Variants in RAVER1 observed in about 807,000 individuals in gnomAD.
The protein encoded by RAVER1 is ribonucleoprotein PTB-binding 1.
RAVER1 carries 36 observed loss-of-function variants against 68.4 expected under a neutral mutation model. That is an observed-to-expected ratio of 0.53 (90% CI 0.40 to 0.70). The LOEUF is 0.70. Ranked by LOEUF, RAVER1 falls within the 30% of genes least tolerant of loss-of-function variation. The pLI, the probability that RAVER1 is intolerant of heterozygous loss-of-function variation, is 0.00. For synonymous variants in RAVER1, 469 were observed against 472.7 expected, an observed-to-expected ratio of 0.99 and a Z score of 0.10; for missense variants, 933 against 1,019.8, an observed-to-expected ratio of 0.91 and a Z score of 1.16.
chr19:10,328,802 C>T lies in RAVER1; in HGVS notation c.596G>A (p.Gly199Glu). ...AKSDLLGKPLGPRTLYVHWTD... is the reference protein window; with the variant it reads ...AKSDLLGKPLEPRTLYVHWTD... ...CCAGTGCACGTAGAGGGTGCGTGGTCCCAGCGGCTTGCCCAGCAGGTCCGA... is the reference window on the plus strand; with the variant it reads ...CCAGTGCACGTAGAGGGTGCGTGGTTCCAGCGGCTTGCCCAGCAGGTCCGA... The change falls in exon 3 of 13, where the codon GGA (glycine) becomes GAA (glutamate). Residue 199 changes from glycine to glutamate, a missense_variant. Around this residue, in one of 3 missense-constraint regions of RAVER1, gnomAD observed 23 missense variants for 58.7 expected, o/e 0.39. Coordinates refer to ENST00000617231, the MANE Select transcript of RAVER1 (RefSeq NM_133452.3). The surrounding 1 kb of genome is among the most constrained non-coding windows in gnomAD (Gnocchi z 4.4). 1 of 1,613,302 alleles carries T rather than the reference C, an allele frequency of 6.2e-7. No individual in the cohort carries two copies. The highest frequency in any genetic ancestry group is 8.5e-7 in the Non-Finnish European group (1 of 1,179,868).
Position 10,329,147 on chromosome 19 carries a change from G to T in RAVER1, c.287-36C>A, listed in dbSNP as rs1327413778. 1.5e-6 allele frequency: 2 copies of T among 1,306,576 alleles called. No homozygotes were observed. The highest frequency in any genetic ancestry group is 1.5e-5 in the African/African-American group (1 of 66,834). 80.9% of individuals were successfully genotyped at this position (1,306,576 alleles called of 1,614,324 possible). ...AGGAGGGCAGTGCGAGGTCAGCCGG[G>T]CCCTGAGGGCCTGCCCCTCCACCCC... On this transcript the variant is annotated intron_variant, in intron 2 of 12. Transcript: ENST00000617231. The surrounding 1 kb of genome is among the most constrained non-coding windows in gnomAD (Gnocchi z 4.6).
At chr19:10,321,394 T>C (rs1273650115) in intron 7 of RAVER1, 135 bp from the exon 8 acceptor site, 1 of 837,752 alleles carries the variant, frequency 1.2e-6, no homozygotes, top group African/African-American at 1.8e-5. Context: ...AGCTCATCCC[T>C]GGGCCCTGAG....
chr19:10,333,446 A>T lies in RAVER1; in HGVS notation c.62T>A (p.Val21Asp). The change falls in exon 1 of 13, where the codon GTC (valine) becomes GAC (aspartate). Residue 21 changes from valine to aspartate, a missense_variant. By Grantham distance (152) the Val-to-Asp change is radical. Around this residue, in one of 3 missense-constraint regions of RAVER1, gnomAD observed 211 missense variants for 230.0 expected, o/e 0.92. Transcript: ENST00000617231. The surrounding 1 kb of genome is among the most constrained non-coding windows in gnomAD (Gnocchi z 4.2). Reference sequence around the variant, plus strand: ...GCGCTCCGCGGCATCGCCGGCTTCGACTTCGGCCCCAGACTTAGGGCTCAG... The same window carrying T: ...GCGCTCCGCGGCATCGCCGGCTTCGTCTTCGGCCCCAGACTTAGGGCTCAG... ...PPLSPKSGAE[V>D]EAGDAAERRA... is the part of the protein sequence containing the mutation. 6.2e-7 allele frequency: 1 copy of T among 1,612,746 alleles called. No individual in the cohort carries two copies.
rs746120264 is a variant in RAVER1 at position 10,333,283 on chromosome 19, C to T, written c.219+6G>A. 5 of 1,612,296 alleles carry T rather than the reference C, an allele frequency of 3.1e-6. No individual in the cohort carries two copies. The African/African-American group carries it at 4.0e-5, about 13-fold the overall frequency. On this transcript the variant is annotated splice_donor_region_variant and intron_variant, in intron 1 of 12. Transcript: ENST00000617231. This position sits in a 1 kb window ranked among gnomAD's most constrained non-coding sequence, Gnocchi z 4.2. Reference sequence around the variant, plus strand: ...CGCCACGCTCCTACACCGCCCCCCCCAATACCTGGTTGGTCACGTCCCCCG... The same window carrying T: ...CGCCACGCTCCTACACCGCCCCCCCTAATACCTGGTTGGTCACGTCCCCCG...
Position 10,323,462 on chromosome 19 carries a change from C to T in RAVER1, c.861G>A (p.Leu287=), listed in dbSNP as rs754225509. The change falls in exon 4 of 13, where the codon CTG becomes CTA. Residue 287 remains leucine (L), a synonymous_variant. Transcript: ENST00000617231. This position sits in a 1 kb window ranked among gnomAD's most constrained non-coding sequence, Gnocchi z 6.2. ...EAQQQADGLS[L]GGSHLRVSFC... is the part of the protein sequence containing the mutation. Reference sequence around the variant, plus strand: ...AGGAGACTCGCAGGTGGCTGCCCCCCAGGGACAGGCCGTCCGCCTGCTGCT... The same window carrying T: ...AGGAGACTCGCAGGTGGCTGCCCCCTAGGGACAGGCCGTCCGCCTGCTGCT... 5.0e-6 allele frequency: 8 copies of T among 1,609,870 alleles called. No homozygotes were observed.
chr19:10,319,604 C>A (rs1300919348), intron 9 of RAVER1, among the ~76,000 whole-genome samples: 2 of 150,654 alleles, frequency 1.3e-5, no homozygotes, highest in African/African-American at 4.9e-5. Flanking sequence ...TTTTTTTAAA[C>A]GGAGTTTTGC....
chr19:10,329,142 G>T lies in RAVER1; in HGVS notation c.287-31C>A. On this transcript the variant is annotated intron_variant, in intron 2 of 12. Transcript: ENST00000617231. This position sits in a 1 kb window ranked among gnomAD's most constrained non-coding sequence, Gnocchi z 4.6. ...GTGGGAGGAGGGCAGTGCGAGGTCA[G>T]CCGGGCCCTGAGGGCCTGCCCCTCC... The T allele has an allele frequency of 7.3e-7, 1 of 1,368,152 alleles. No individual in the cohort carries two copies. Among genetic ancestry groups the T allele is most frequent in the Non-Finnish European group, 9.8e-7 (1 of 1,025,320 alleles). 84.8% of individuals were successfully genotyped at this position (1,368,152 alleles called of 1,614,324 possible).
At chr19:10,331,028 G>A (rs1221890659) in intron 1 of RAVER1, among the ~76,000 whole-genome samples, 1 of 150,608 alleles carries the variant, frequency 6.6e-6, no homozygotes, top group African/African-American at 2.4e-5. Flanking sequence ...ACTCCAGCCT[G>A]GGTGACAAAG....
Position 10,318,348 on chromosome 19 carries a change from C to T in RAVER1, c.1870G>A (p.Gly624Ser), listed in dbSNP as rs757304962. 1.0e-5 allele frequency: 16 copies of T among 1,602,734 alleles called. No homozygotes were observed. Among genetic ancestry groups the T allele is most frequent in the East Asian group, 2.3e-5 (1 of 44,206 alleles). Residue 624 changes from glycine (G) to serine (S), a missense_variant, in exon 11 of 13, where the codon GGC (glycine) becomes AGC (serine). Coordinates refer to ENST00000617231, the MANE Select transcript of RAVER1 (RefSeq NM_133452.3). The stretch of plus-strand genomic sequence containing the variant: ...CCACTCCCACCGCTGCTCCGTTCGC[C>T]GAAGCCACTGGGCGGGGGGGACATC... The part of the protein sequence containing the change: ...HKMSPPPSGF[G>S]ERSSGGSGGG...
Position 10,317,622 on chromosome 19 carries a change from G to A in RAVER1, c.2074-22C>T. ...GGGTCTGGAGACAGAGGGCAGGGCG[G>A]GGCGGGTCAGGGGCCGCTGGGGGGC... On this transcript the variant is annotated intron_variant, in intron 12 of 12. Coordinates refer to ENST00000617231, the MANE Select transcript of RAVER1 (RefSeq NM_133452.3). This position sits in a 1 kb window ranked among gnomAD's most constrained non-coding sequence, Gnocchi z 4.3. 1 of 1,578,774 alleles carries A rather than the reference G, an allele frequency of 6.3e-7. No homozygotes were observed. The highest frequency in any genetic ancestry group is 1.3e-5 in the African/African-American group (1 of 74,292).
In RAVER1 at chr19:10,317,490, G is replaced by A. The variant is rs746622788; in HGVS notation, c.2184C>T (p.Tyr728=). 3.1e-6 allele frequency: 5 copies of A among 1,613,794 alleles called. No homozygotes were observed. The highest frequency in any genetic ancestry group is 1.3e-5 in the African/African-American group (1 of 75,066). Residue 728 remains tyrosine (Y), a synonymous_variant, in exon 13 of 13, where the codon TAC becomes TAT. Coordinates refer to ENST00000617231, the MANE Select transcript of RAVER1 (RefSeq NM_133452.3). This position sits in a 1 kb window ranked among gnomAD's most constrained non-coding sequence, Gnocchi z 4.3. ...TCTTCCGCTTCAGGTAGGAGTCCGC[G>A]TAGTGGCCGCCGAGGCCCTGGGAGT... ...GQHSQGLGGH[Y]ADSYLKRKRI... is the part of the protein sequence containing the mutation.
chr19:10,327,587 C>T (rs78200042), intron 3 of RAVER1, among the ~76,000 whole-genome samples: 2,232 of 152,232 alleles, frequency 0.015, 36 homozygotes, highest in South Asian at 0.024. Context: ...CACTGGCCTC[C>T]GCTCACTGGC....
At chr19:10,319,568 G>A (rs539380704) in intron 9 of RAVER1, among the ~76,000 whole-genome samples, 71 of 152,060 alleles carry the variant, frequency 4.7e-4, no homozygotes, top group Non-Finnish European at 8.5e-4. Flanking sequence ...ACCTGTGGGC[G>A]GCCAGTTTGC....
chr19:10,317,695 G>A lies in RAVER1; in HGVS notation c.2068C>T (p.Leu690=), dbSNP rs2040402107. ...TCCCCACCCCCTGCCCGTACCTTCA[G>A]CAGGTGGCTGTGACCATTAGGCCCG... ...SPGPNGHSHL[L]KTPLGGQKRS... is the part of the protein sequence containing the mutation. The change falls in exon 12 of 13, where the codon CTG becomes TTG. Residue 690 remains leucine (L), a synonymous_variant. Coordinates refer to ENST00000617231, the MANE Select transcript of RAVER1 (RefSeq NM_133452.3). This position sits in a 1 kb window ranked among gnomAD's most constrained non-coding sequence, Gnocchi z 4.3. 1.3e-6 allele frequency: 2 copies of A among 1,585,126 alleles called. No individual in the cohort carries two copies. Among genetic ancestry groups the A allele is most frequent in the Non-Finnish European group, 1.7e-6 (2 of 1,165,810 alleles).
In RAVER1 at chr19:10,328,229, C is replaced by T. The variant is rs539765363; in HGVS notation, c.756+413G>A. 1.2e-4 allele frequency among the ~76,000 whole-genome samples: 18 copies of T among 152,252 alleles called. No homozygotes were observed. In the South Asian group the frequency reaches 3.3e-3, roughly 28 times the overall value. Reference sequence around the variant, plus strand: ...ATAGTTACAAGAGTGGCCTTGCATGCATCTGATAGAGGGACAGTGAGGCCT... The same window carrying T: ...ATAGTTACAAGAGTGGCCTTGCATGTATCTGATAGAGGGACAGTGAGGCCT... On this transcript the variant is annotated intron_variant, in intron 3 of 12. Coordinates refer to ENST00000617231, the MANE Select transcript of RAVER1 (RefSeq NM_133452.3). This position sits in a 1 kb window ranked among gnomAD's most constrained non-coding sequence, Gnocchi z 4.4.
rs995724258 is a variant in RAVER1, at chr19:10,333,069, C to A, written c.219+220G>T. Among the ~76,000 whole-genome samples the A allele has an allele frequency of 2.0e-5, 3 of 152,102 alleles. No individual in the cohort carries two copies. Among genetic ancestry groups the A allele is most frequent in the Non-Finnish European group, 4.4e-5 (3 of 68,016 alleles). On this transcript the variant is annotated intron_variant, in intron 1 of 12. Coordinates refer to ENST00000617231, the MANE Select transcript of RAVER1 (RefSeq NM_133452.3). The surrounding 1 kb of genome is among the most constrained non-coding windows in gnomAD (Gnocchi z 4.2). ...ACTTGGTGTCGCCCAAGCCTGTGGT[C>A]GCCCCTAGCAACGCCCTCCCTCACT...
rs2145068766 is a variant in RAVER1 at position 10,320,850 on chromosome 19, C to T, written c.1575G>A (p.Glu525=). ...TCCCGGCGCCTCCCCAGCCCCGGGC[C>T]TCCTTACCCGCCAGGTTGCTGGCCG... is the stretch of plus-strand genomic sequence containing the variant. ...LLPASNLAGK[E]ARGWGGAGRS... is the part of the protein sequence containing the mutation. The change falls in exon 9 of 13, where the codon GAG becomes GAA. Residue 525 remains glutamate (E), a synonymous_variant. Transcript: ENST00000617231. 1 of 1,512,048 alleles carries T rather than the reference C, an allele frequency of 6.6e-7. No homozygotes were observed. The highest frequency in any genetic ancestry group is 2.5e-5 in the East Asian group (1 of 39,714). 93.7% of individuals were successfully genotyped at this position (1,512,048 alleles called of 1,614,324 possible).
rs1446211928 is a variant in RAVER1, at chr19:10,322,959, G to C, written c.1078+186C>G. Among the ~76,000 whole-genome samples, 1 of 152,156 alleles carries C rather than the reference G, an allele frequency of 6.6e-6. No homozygotes were observed. The highest frequency in any genetic ancestry group is 6.5e-5 in the Admixed American group (1 of 15,284). ...GCACCCCACCTCACTGCAGGCTGCT[G>C]TGTGGCCCTGGTCCCGGCCCCCAGT... On this transcript the variant is annotated intron_variant, in intron 5 of 12. Transcript: ENST00000617231. The surrounding 1 kb of genome is among the most constrained non-coding windows in gnomAD (Gnocchi z 4.3).
At position 10,329,381 on chromosome 19, in the gene RAVER1, C is replaced by T. The variant is rs1352441046; in HGVS notation, c.287-270G>A. On this transcript the variant is annotated intron_variant, in intron 2 of 12. Transcript: ENST00000617231. This position sits in a 1 kb window ranked among gnomAD's most constrained non-coding sequence, Gnocchi z 4.6. ...TGTGGGCCTGGCTCTGTCCTAAGAA[C>T]GCTGTGGGTCACTCGGGTGATACCA... is the stretch of plus-strand genomic sequence containing the variant. Among the ~76,000 whole-genome samples, 4 of 152,234 alleles carry T rather than the reference C, an allele frequency of 2.6e-5. No individual in the cohort carries two copies. The highest frequency in any genetic ancestry group is 7.2e-5 in the African/African-American group (3 of 41,462).
Sources: allele counts gnomAD v4.1 joint callset (sites outside exome capture counted in the v4.1 genomes callset), GRCh38; gene constraint gnomAD v4.1.1; regional missense constraint gnomAD v4.1.1; non-coding constraint Gnocchi (gnomAD v3.1); transcripts MANE v1.5; gene names NCBI Gene and HGNC (gene_info 2026-07-23, HGNC 2026-07-21).